The following IFI16 variants were observed in gnomAD, a reference collection of about 807,000 sequenced individuals.
IFI16 encodes interferon gamma inducible protein 16.
A neutral mutation model predicts 68.4 loss-of-function variants in IFI16; 49 were observed. The ratio of observed to expected loss-of-function variants is 0.72; its 90% CI spans 0.57 to 0.91. IFI16 has a LOEUF of 0.91. IFI16 is among the 40% of genes least tolerant of loss of function. The pLI is 0.00. For synonymous variants in IFI16, 307 were observed against 315.0 expected (o/e 0.97, Z 0.27); for missense variants, 878 against 942.9 (o/e 0.93, Z 0.90).
chr1:159,009,806 CATG>C (rs1379557558), upstream of IFI16: 3 of 152,206 alleles, frequency 2.0e-5, no homozygotes, highest in East Asian at 5.8e-4. Flanking sequence ...CCCCTCACCA[CATG>C]CTCCAGCCCT....
chr1:159,008,218 T>G (rs1652333122), upstream of IFI16, among the ~76,000 whole-genome samples: 1 of 152,216 alleles, frequency 6.6e-6, no homozygotes, highest in Non-Finnish European at 1.5e-5. Context: ...GCCTGATTAA[T>G]ATAAATTTAG....
chr1:159,012,628 T>G (rs527363188), intron 1 of IFI16, among the ~76,000 whole-genome samples: 82 of 152,308 alleles, frequency 5.4e-4, no homozygotes, highest in Admixed American at 3.3e-4. Context: ...GCAAAGCATA[T>G]TTGCTTCTAC....
intron 6 of IFI16, among the ~76,000 whole-genome samples, chr1:159,029,189 G>A (rs1653846447): frequency 6.6e-6 from 1 of 152,104 alleles, no homozygotes; most frequent in African/African-American, 2.4e-5. Context: ...ATGCTGGCTT[G>A]GTAGTGGCTA....
At chr1:159,051,500 T>C (rs1257847453) in intron 9 of IFI16, among the ~76,000 whole-genome samples, 179 bp from the exon 10 acceptor site, 1 of 152,216 alleles carries the variant, frequency 6.6e-6, no homozygotes, top group Non-Finnish European at 1.5e-5. Context: ...CTTACATCTT[T>C]TTCATTTCTT....
At chr1:159,034,948 C>T (rs538438937) in intron 7 of IFI16, among the ~76,000 whole-genome samples, 3 of 152,278 alleles carry the variant, frequency 2.0e-5, no homozygotes, top group South Asian at 2.1e-4. Flanking sequence ...TGATATGACC[C>T]TTGTAGTCAC....
rs75852192 is a variant in IFI16 at position 159,019,855 on chromosome 1, T to C, written c.973-486T>C. Among the ~76,000 whole-genome samples the C allele has an allele frequency of 2.1e-4, 32 of 152,228 alleles. No individual in the cohort carries two copies. The East Asian group carries it at 3.9e-3, about 18-fold the overall frequency. ...GGAATGTTTGAGCTCAAGGACTTGGTTTCAGGAGGGGGTACAAATATTGGA... is the reference window on the plus strand; with the variant it reads ...GGAATGTTTGAGCTCAAGGACTTGGCTTCAGGAGGGGGTACAAATATTGGA... On this transcript the variant is annotated intron_variant, in intron 5 of 11. Coordinates refer to ENST00000295809, the MANE Select transcript of IFI16 (RefSeq NM_001376587.1).
chr1:159,013,162 CTTTTTTTTTT>C (rs59743054), intron 1 of IFI16, among the ~76,000 whole-genome samples: 1 of 54,646 alleles, frequency 1.8e-5, no homozygotes, highest in African/African-American at 6.4e-5. Flanking sequence ...AAGAAGGAAG[CTTTTTTTTTT>C]TTTTTTTTTT....
chr1:159,021,085 G>T (rs1653284028), intron 6 of IFI16, among the ~76,000 whole-genome samples: 1 of 152,112 alleles, frequency 6.6e-6, no homozygotes, highest in African/African-American at 2.4e-5. Context: ...TTGCCATTTT[G>T]AATGTTGTAA....
At chr1:159,038,844 C>T (rs538251897) in intron 7 of IFI16, among the ~76,000 whole-genome samples, 8 of 152,246 alleles carry the variant, frequency 5.3e-5, no homozygotes, top group African/African-American at 1.9e-4. Flanking sequence ...ATATCTGATG[C>T]ACACACACCA....
chr1:159,054,631 T>G (rs552291929), intron 11 of IFI16, among the ~76,000 whole-genome samples, 190 bp from the exon 12 acceptor site: 29 of 152,080 alleles, frequency 1.9e-4, no homozygotes, highest in Non-Finnish European at 3.2e-4. Flanking sequence ...CGGTCCAAAT[T>G]AAACAGAGAG....
upstream of IFI16, among the ~76,000 whole-genome samples, chr1:159,004,955 T>C (rs1043953176): frequency 1.3e-5 from 2 of 152,150 alleles, no homozygotes; most frequent in African/African-American, 4.8e-5. Flanking sequence ...GTAGAAACTA[T>C]CAATGTTTTT....
At position 159,053,654 on chromosome 1, in the gene IFI16, C is replaced by A; in HGVS notation, c.2207C>A (p.Thr736Asn). 1 of 1,613,972 alleles carries A rather than the reference C, an allele frequency of 6.2e-7. No individual in the cohort carries two copies. Among genetic ancestry groups the A allele is most frequent in the Non-Finnish European group, 8.5e-7 (1 of 1,179,886 alleles). ...GAGGAAGGAGATAAACTGAAACTCA[C>A]CTGCTTTGAATTGGCACCGAAAAGT... ...NCEEGDKLKL[T>N]CFELAPKSGN... Residue 736 changes from threonine to asparagine, a missense_variant, in exon 11 of 12, where the codon ACC (threonine) becomes AAC (asparagine). This residue lies in a region of IFI16 where 311 missense variants were observed against 305.1 expected (regional missense o/e 1.02). Coordinates refer to ENST00000295809, the MANE Select transcript of IFI16 (RefSeq NM_001376587.1).
chr1:159,035,052 C>G (rs1013745900), intron 7 of IFI16, among the ~76,000 whole-genome samples: 5 of 152,296 alleles, frequency 3.3e-5, no homozygotes, highest in Non-Finnish European at 7.4e-5. Flanking sequence ...TTTACAGTTG[C>G]TTCTTACCCA....
intron 7 of IFI16, among the ~76,000 whole-genome samples, chr1:159,037,123 A>G (rs1402841621): frequency 5.9e-5 from 9 of 152,214 alleles, no homozygotes; most frequent in Non-Finnish European, 1.3e-4. Flanking sequence ...TGGACATCCC[A>G]GGACAGTCAG....
In IFI16 at chr1:159,053,608, C is replaced by G. The variant is rs566021708; in HGVS notation, c.2161C>G (p.Arg721Gly). 1.7e-5 allele frequency: 28 copies of G among 1,613,394 alleles called. No individual in the cohort carries two copies. The South Asian group carries it at 2.7e-4, about 16-fold the overall frequency. Residue 721 changes from arginine (R) to glycine (G), a missense_variant, in exon 11 of 12, where the codon CGA (arginine) becomes GGA (glycine). Coordinates refer to ENST00000295809, the MANE Select transcript of IFI16 (RefSeq NM_001376587.1). ...TGKMEVVVHG[R>G]LTTINCEEGD... ...GAAGATGGAAGTGGTGGTGCATGGA[C>G]GACTGACCACAATCAACTGTGAGGA...
intron 6 of IFI16, 55 bp downstream of exon 6, chr1:159,020,584 A>C: frequency 1.4e-6 from 2 of 1,385,646 alleles, no homozygotes; most frequent in Non-Finnish European, 2.0e-6. Context: ...ATTTGCTTTA[A>C]GTTTTGGCAA....
chr1:159,043,583 A>G, intron 7 of IFI16, among the ~76,000 whole-genome samples: 1 of 152,172 alleles, frequency 6.6e-6, no homozygotes, highest in Non-Finnish European at 1.5e-5. Flanking sequence ...CCTTGCTCTT[A>G]TACATCACAG....
intron 7 of IFI16, among the ~76,000 whole-genome samples, chr1:159,039,288 G>A (rs1270200170): frequency 1.3e-5 from 2 of 152,100 alleles, no homozygotes; most frequent in African/African-American, 2.4e-5. Context: ...AGTGAGAACA[G>A]AATAAAAGGA....
chr1:159,042,403 G>T (rs1229660081), intron 7 of IFI16, among the ~76,000 whole-genome samples: 1 of 152,098 alleles, frequency 6.6e-6, no homozygotes, highest in Non-Finnish European at 1.5e-5. Context: ...CTATACCAAT[G>T]TGTTCATCCT....
Sources: gnomAD v4.1 joint callset for allele counts (sites outside exome capture counted in the v4.1 genomes callset) on GRCh38, gnomAD v4.1.1 for gene constraint, gnomAD v4.1.1 regional missense constraint, MANE v1.5 for transcripts, NCBI Gene and HGNC (gene_info 2026-07-23, HGNC 2026-07-21) for gene names.